DLG2: variants seen among roughly 807,000 people sequenced by gnomAD.
DLG2 encodes discs large MAGUK scaffold protein 2.
DLG2 carries 45 observed loss-of-function variants against 132.5 expected under a neutral mutation model. That is an observed-to-expected ratio of 0.34 (90% CI 0.27 to 0.44). The LOEUF is 0.44. Ranked by LOEUF, DLG2 falls within the 20% of genes least tolerant of loss-of-function variation. The pLI is 1.00. For missense variants in DLG2, 1,045 were observed against 1,196.9 expected (o/e 0.87, Z 1.87); for synonymous variants, 424 against 419.6 (o/e 1.01, Z -0.13).
chr11:84,382,082 C>T (rs1567476081), intron 7 of DLG2, among the ~76,000 whole-genome samples: 2 of 152,154 alleles, frequency 1.3e-5, no homozygotes, highest in East Asian at 3.9e-4. Flanking sequence ...AATATCCACC[C>T]TAACATGTTT....
chr11:83,510,701 C>T (rs1011190431), intron 21 of DLG2, among the ~76,000 whole-genome samples: 2 of 151,950 alleles, frequency 1.3e-5, no homozygotes, highest in African/African-American at 4.8e-5. Flanking sequence ...TAAATATTTC[C>T]TTGAGGTATC....
chr11:84,100,401 ATTGT>A (rs1357416342), intron 9 of DLG2, among the ~76,000 whole-genome samples: 1 of 149,924 alleles, frequency 6.7e-6, no homozygotes, highest in Admixed American at 6.7e-5. Flanking sequence ...CACAAACCAT[ATTGT>A]TTATTTCTTA....
intron 17 of DLG2, among the ~76,000 whole-genome samples, chr11:83,832,479 T>TAA (rs2054831091): frequency 2.6e-5 from 4 of 152,174 alleles, no homozygotes; most frequent in Admixed American, 2.6e-4. Context: ...CTGGAGGCTA[T>TAA]TATCCTAAGC....
intron 25 of DLG2, among the ~76,000 whole-genome samples, 172 bp from the exon 26 acceptor site, chr11:83,466,989 TG>T (rs1328545521): frequency 6.6e-6 from 1 of 152,010 alleles, no homozygotes; most frequent in East Asian, 1.9e-4. Context: ...GGGTCATCAT[TG>T]AGTGTTTACA....
At chr11:83,526,360 T>G (rs1409588016) in intron 21 of DLG2, among the ~76,000 whole-genome samples, 1 of 152,154 alleles carries the variant, frequency 6.6e-6, no homozygotes, top group South Asian at 2.1e-4. Context: ...CCAGTCTCTC[T>G]CCTCCAACCT....
At chr11:83,916,904 A>G (rs2077014085) in intron 15 of DLG2, among the ~76,000 whole-genome samples, 1 of 152,154 alleles carries the variant, frequency 6.6e-6, no homozygotes, top group South Asian at 2.1e-4. Flanking sequence ...TATCCGTCAC[A>G]GACTACTGGT....
At chr11:84,005,742 G>C (rs2094544008) in intron 11 of DLG2, among the ~76,000 whole-genome samples, 1 of 151,800 alleles carries the variant, frequency 6.6e-6, no homozygotes, top group African/African-American at 2.4e-5. Context: ...TTAATCATTA[G>C]AGAAATGCAA....
chr11:83,923,990 A>G lies in DLG2; in HGVS notation c.1496+6338T>C, dbSNP rs2078452589. On this transcript the variant is annotated intron_variant, in intron 15 of 27. Coordinates refer to ENST00000376104, the MANE Select transcript of DLG2 (RefSeq NM_001142699.3). Reference sequence around the variant, plus strand: ...TTTCTCCAACCTTATCACCCACCCAATAGCCCTCAGCCACACAGGTAGTCT... The same window carrying G: ...TTTCTCCAACCTTATCACCCACCCAGTAGCCCTCAGCCACACAGGTAGTCT... Among the ~76,000 whole-genome samples, 2 of 152,044 alleles carry G rather than the reference A, an allele frequency of 1.3e-5. 1 individual carries two copies. Among genetic ancestry groups the G allele is most frequent in the African/African-American group, 4.8e-5 (2 of 41,408 alleles).
At chr11:84,657,361 A>G (rs1378537584) in intron 6 of DLG2, among the ~76,000 whole-genome samples, 6 of 152,156 alleles carry the variant, frequency 3.9e-5, no homozygotes, top group East Asian at 1.9e-4. Context: ...GGAGCCATAG[A>G]AAAGAGCAAA....
chr11:85,599,632 A>T (rs2080014617), intron 2 of DLG2, among the ~76,000 whole-genome samples: 1 of 152,192 alleles, frequency 6.6e-6, no homozygotes, highest in Non-Finnish European at 1.5e-5. Flanking sequence ...AATATCCAGC[A>T]CACAGAAAAT....
chr11:84,437,681 T>A (rs900413036), intron 7 of DLG2: 2 of 152,284 alleles, frequency 1.3e-5, no homozygotes, highest in African/African-American at 4.8e-5. Context: ...TATATTTACA[T>A]CCTGCCAGCA....
intron 2 of DLG2, among the ~76,000 whole-genome samples, chr11:85,609,542 A>G (rs1202011580): frequency 1.3e-5 from 2 of 152,174 alleles, no homozygotes; most frequent in African/African-American, 4.8e-5. Context: ...GGACACTTTA[A>G]AAAAGATTGT....
At chr11:84,665,237 G>C (rs1371975303) in intron 6 of DLG2, among the ~76,000 whole-genome samples, 2 of 152,100 alleles carry the variant, frequency 1.3e-5, no homozygotes, top group Non-Finnish European at 2.9e-5. Flanking sequence ...TAATAGTATT[G>C]ATGGAGCTTT....
intron 19 of DLG2, among the ~76,000 whole-genome samples, chr11:83,580,133 A>G (rs1213629205): frequency 2.0e-5 from 3 of 152,024 alleles, no homozygotes; most frequent in Non-Finnish European, 4.4e-5. Flanking sequence ...TTTCATTTGT[A>G]TCATCATACA....
chr11:84,719,771 G>A (rs1422989085), intron 6 of DLG2, among the ~76,000 whole-genome samples: 2 of 152,128 alleles, frequency 1.3e-5, no homozygotes, highest in Non-Finnish European at 2.9e-5. Flanking sequence ...GTATAAAAGG[G>A]AAAAGCATGC....
chr11:83,837,721 A>G (rs1418043000), intron 16 of DLG2, among the ~76,000 whole-genome samples: 1 of 90,128 alleles, frequency 1.1e-5, no homozygotes, highest in African/African-American at 4.2e-5. Context: ...ATACATAGCA[A>G]GCAAAAAAAA....
At chr11:84,533,283 A>G (rs546813805) in intron 7 of DLG2, among the ~76,000 whole-genome samples, 1 of 152,310 alleles carries the variant, frequency 6.6e-6, no homozygotes, top group East Asian at 1.9e-4. Flanking sequence ...TGTTTTTCAG[A>G]TGACAGCTCT....
intron 6 of DLG2, among the ~76,000 whole-genome samples, chr11:84,970,428 C>T (rs1434974080): frequency 1.3e-5 from 2 of 152,148 alleles, no homozygotes; most frequent in Non-Finnish European, 2.9e-5. Flanking sequence ...ATTTGGGCTG[C>T]CATAACAAAA....
chr11:83,853,467 C>T (rs1354184848), intron 16 of DLG2, among the ~76,000 whole-genome samples: 2 of 152,086 alleles, frequency 1.3e-5, no homozygotes, highest in African/African-American at 4.8e-5. Context: ...AGGATTATTA[C>T]CATAAAGCAG....
Sources: gnomAD v4.1 joint callset for allele counts (sites outside exome capture counted in the v4.1 genomes callset) on GRCh38, gnomAD v4.1.1 for gene constraint, MANE v1.5 for transcripts, NCBI Gene and HGNC (gene_info 2026-07-23, HGNC 2026-07-21) for gene names.